SLIT3: variants seen among roughly 807,000 people sequenced by gnomAD.
SLIT3 encodes the protein slit guidance ligand 3.
SLIT3 carries 68 observed loss-of-function variants against 184.0 expected under a neutral mutation model. That is an observed-to-expected ratio of 0.37 (90% CI 0.30 to 0.45). The LOEUF is 0.45. Ranked by LOEUF, SLIT3 falls within the 20% of genes least tolerant of loss-of-function variation. The pLI is 1.00. For synonymous variants in SLIT3, 831 were observed against 828.6 expected (o/e 1.00, Z -0.05); for missense variants, 1,707 against 2,026.0 (o/e 0.84, Z 3.02).
At chr5:168,711,380 T>G (rs1240416626) in intron 24 of SLIT3, among the ~76,000 whole-genome samples, 1 of 152,160 alleles carries the variant, frequency 6.6e-6, no homozygotes, top group African/African-American at 2.4e-5. Context: ...TCTGATTATC[T>G]GGTTCCCTTG....
At chr5:168,953,487 A>C (rs1762728179) in intron 4 of SLIT3, among the ~76,000 whole-genome samples, 1 of 152,244 alleles carries the variant, frequency 6.6e-6, no homozygotes, top group Admixed American at 6.5e-5. Flanking sequence ...TTCTTGGCCC[A>C]TGTCTTTATA....
At chr5:168,902,677 G>A (rs1760910305) in intron 4 of SLIT3, among the ~76,000 whole-genome samples, 1 of 152,152 alleles carries the variant, frequency 6.6e-6, no homozygotes, top group South Asian at 2.1e-4. Context: ...CTGGGGTTGG[G>A]GCACAACTGC....
At chr5:169,233,843 T>C (rs1765094749) in intron 3 of SLIT3, among the ~76,000 whole-genome samples, 1 of 152,152 alleles carries the variant, frequency 6.6e-6, no homozygotes, top group Non-Finnish European at 1.5e-5. Context: ...TTCGAATCAT[T>C]GCCAGAACCA....
chr5:169,237,432 A>G (rs1765241468), intron 3 of SLIT3, among the ~76,000 whole-genome samples: 1 of 152,136 alleles, frequency 6.6e-6, no homozygotes, highest in Non-Finnish European at 1.5e-5. Context: ...ATCCCTAGCA[A>G]CCATAGATCT....
chr5:168,800,881 TTC>T (rs1171186916), intron 9 of SLIT3, among the ~76,000 whole-genome samples: 1 of 152,222 alleles, frequency 6.6e-6, no homozygotes, highest in Non-Finnish European at 1.5e-5. Flanking sequence ...GACTAAATCG[TTC>T]TGTGATGACA....
At chr5:169,266,519 GATC>G (rs1212388796) in intron 1 of SLIT3, among the ~76,000 whole-genome samples, 11 of 152,292 alleles carry the variant, frequency 7.2e-5, no homozygotes, top group Admixed American at 6.5e-4. Flanking sequence ...GGCATGTAGA[GATC>G]ATGTGTCATA....
intron 5 of SLIT3, among the ~76,000 whole-genome samples, chr5:168,875,709 A>G (rs1006718479): frequency 4.0e-5 from 6 of 151,086 alleles, no homozygotes; most frequent in Admixed American, 2.0e-4. Flanking sequence ...GGAGAAAGGG[A>G]GACAGGAAGA....
At chr5:168,906,270 G>A (rs1761050439) in intron 4 of SLIT3, among the ~76,000 whole-genome samples, 1 of 152,148 alleles carries the variant, frequency 6.6e-6, no homozygotes, top group African/African-American at 2.4e-5. Context: ...GGTTTGGTGC[G>A]ACCCTTCCTT....
At chr5:168,708,975 G>C (rs1387040439) in intron 25 of SLIT3, among the ~76,000 whole-genome samples, 3 of 152,146 alleles carry the variant, frequency 2.0e-5, no homozygotes, top group African/African-American at 7.2e-5. Context: ...TATCTGTCTT[G>C]GTTTGCTTGG....
intron 9 of SLIT3, among the ~76,000 whole-genome samples, chr5:168,799,879 G>A (rs1374558265): frequency 1.3e-5 from 2 of 152,128 alleles, no homozygotes; most frequent in South Asian, 4.1e-4. Flanking sequence ...TTTTCCTAAG[G>A]TCAGGTAGCT....
chr5:168,984,063 A>ATG, intron 4 of SLIT3, among the ~76,000 whole-genome samples: 1 of 147,204 alleles, frequency 6.8e-6, no homozygotes, highest in Non-Finnish European at 1.5e-5. Flanking sequence ...ATATATATAT[A>ATG]TTTTTTTTAA....
At chr5:169,255,299 A>G (rs1479775472) in intron 1 of SLIT3, among the ~76,000 whole-genome samples, 1 of 152,320 alleles carries the variant, frequency 6.6e-6, no homozygotes, top group East Asian at 1.9e-4. Context: ...TTCCAGAGGA[A>G]GGCATTGTTA....
intron 4 of SLIT3, among the ~76,000 whole-genome samples, chr5:169,044,276 C>A (rs1330459431): frequency 2.0e-5 from 3 of 152,170 alleles, no homozygotes; most frequent in Admixed American, 1.3e-4. Flanking sequence ...ACCCAGTAAT[C>A]CTGCTCCTAT....
chr5:169,151,949 A>G (rs545525438), intron 4 of SLIT3, among the ~76,000 whole-genome samples: 6 of 152,230 alleles, frequency 3.9e-5, no homozygotes, highest in Non-Finnish European at 8.8e-5. Flanking sequence ...TGATCAGAGC[A>G]CCTGTCTCAA....
chr5:168,752,005 C>T (rs1159351483), intron 18 of SLIT3, among the ~76,000 whole-genome samples: 1 of 152,114 alleles, frequency 6.6e-6, no homozygotes, highest in Non-Finnish European at 1.5e-5. Flanking sequence ...TCCCAAAGTG[C>T]TGGGATTACA....
At chr5:169,132,136 A>G (rs952355147) in intron 4 of SLIT3, among the ~76,000 whole-genome samples, 1 of 152,200 alleles carries the variant, frequency 6.6e-6, no homozygotes, top group African/African-American at 2.4e-5. Flanking sequence ...TCCAGCACAC[A>G]CTATGCTCTA....
intron 26 of SLIT3, among the ~76,000 whole-genome samples, chr5:168,702,675 CG>C (rs1762252032): frequency 6.7e-6 from 1 of 149,496 alleles, no homozygotes; most frequent in Admixed American, 6.7e-5. Context: ...TAAATAATAG[CG>C]ATGATGATGA....
intron 14 of SLIT3, 46 bp from the exon 15 acceptor site, chr5:168,762,735 GCA>G (rs771989850): frequency 6.3e-7 from 1 of 1,597,422 alleles, no homozygotes; most frequent in African/African-American, 1.3e-5. Flanking sequence ...CGAGTTCCAC[GCA>G]CAGCCCCAGG....
At chr5:168,700,837 C>T (rs147441182) in intron 26 of SLIT3, among the ~76,000 whole-genome samples, 158 bp from the exon 27 acceptor site, 1 of 152,168 alleles carries the variant, frequency 6.6e-6, no homozygotes. Context: ...TGGAGCCCAC[C>T]CATGGGAGCC....
Sources: gnomAD v4.1 joint callset for allele counts (sites outside exome capture counted in the v4.1 genomes callset) on GRCh38, gnomAD v4.1.1 for gene constraint, MANE v1.5 for transcripts, NCBI Gene and HGNC (gene_info 2026-07-23, HGNC 2026-07-21) for gene names.